The following AFF2 variants were observed in gnomAD, a reference collection of about 807,000 sequenced individuals.
The protein encoded by AFF2 is ALF transcription elongation factor 2.
In AFF2, 14 loss-of-function variants were observed where a neutral mutation model predicts 76.9. The observed-to-expected ratio is 0.18, with a 90% CI of 0.12 to 0.28. AFF2 has a LOEUF of 0.28. Among genes scored for constraint, AFF2 ranks in the 10% least tolerant of loss-of-function variants. AFF2 has a pLI of 1.00. For missense variants in AFF2, 868 were observed against 1,001.1 expected, an observed-to-expected ratio of 0.87 and a Z score of 1.79; for synonymous variants, 398 against 366.7, an observed-to-expected ratio of 1.09 and a Z score of -0.98.
At chrX:148,942,812 T>A (rs2071854783) in intron 9 of AFF2, among the ~76,000 whole-genome samples, 1 of 32,612 alleles carries the variant, frequency 3.1e-5, no homozygotes, top group African/African-American at 5.6e-5. Context: ...TGAGACTCCA[T>A]CTCAGAAAAA....
chrX:148,503,420 ACTCCCCACGC>A (rs782766616), intron 1 of AFF2, among the ~76,000 whole-genome samples: 1 of 110,692 alleles, frequency 9.0e-6, no homozygotes, highest in African/African-American at 3.3e-5. Context: ...GATGGCCTCC[ACTCCCCACGC>A]CCCCAAGCCC....
At chrX:148,548,768 T>A (rs782217801) in intron 1 of AFF2, among the ~76,000 whole-genome samples, 1 of 112,298 alleles carries the variant, frequency 8.9e-6, no homozygotes, top group East Asian at 2.8e-4. Flanking sequence ...TCTGTTTTCG[T>A]CTTCCAGTGT....
At chrX:148,542,475 G>T (rs1347365693) in intron 1 of AFF2, among the ~76,000 whole-genome samples, 1 of 110,204 alleles carries the variant, frequency 9.1e-6, no homozygotes, top group Non-Finnish European at 1.9e-5. Flanking sequence ...GTGTAGATAT[G>T]TTGCACATAT....
At chrX:148,864,773 A>G (rs2070887288) in intron 7 of AFF2, among the ~76,000 whole-genome samples, 1 of 112,272 alleles carries the variant, frequency 8.9e-6, no homozygotes, top group Non-Finnish European at 1.9e-5. Flanking sequence ...AACAAAATAA[A>G]AACAAGAACA....
At chrX:148,728,454 T>C (rs1289377579) in intron 3 of AFF2, among the ~76,000 whole-genome samples, 2 of 112,356 alleles carry the variant, frequency 1.8e-5, no homozygotes, top group Admixed American at 9.4e-5. Context: ...CACAAATTAG[T>C]GTGTTTGTCT....
intron 4 of AFF2, among the ~76,000 whole-genome samples, chrX:148,820,392 C>A (rs1249089266): frequency 9.0e-6 from 1 of 111,527 alleles, no homozygotes; most frequent in Non-Finnish European, 1.9e-5. Flanking sequence ...CAAAATTATT[C>A]ATTACACAAT....
chrX:148,727,336 T>C (rs2055170401), intron 3 of AFF2, among the ~76,000 whole-genome samples: 1 of 111,918 alleles, frequency 8.9e-6, no homozygotes, highest in South Asian at 3.7e-4. Context: ...AAAATGACCC[T>C]CAGCATCTGG....
At chrX:148,768,791 G>A (rs1217011308) in intron 3 of AFF2, among the ~76,000 whole-genome samples, 2 of 111,855 alleles carry the variant, frequency 1.8e-5, no homozygotes, top group Non-Finnish European at 3.8e-5. Context: ...TTTGTTCATT[G>A]TTTTTCTCAT....
intron 3 of AFF2, 152 bp downstream of exon 3, chrX:148,662,920 C>T (rs977260348): frequency 3.9e-5 from 22 of 565,791 alleles, no homozygotes; most frequent in Non-Finnish European, 5.7e-5. Flanking sequence ...GATCTTCTGT[C>T]ACTTGTGACA....
chrX:148,974,841 A>C (rs1026577748), intron 16 of AFF2, among the ~76,000 whole-genome samples: 32 of 111,772 alleles, frequency 2.9e-4, no homozygotes, highest in African/African-American at 1.0e-3. Context: ...ACCATTCTGT[A>C]GCTTTCAAGG....
intron 3 of AFF2, among the ~76,000 whole-genome samples, chrX:148,706,843 T>G (rs1008802215): frequency 8.9e-6 from 1 of 112,688 alleles, no homozygotes; most frequent in African/African-American, 3.2e-5. Flanking sequence ...TTGACTGAGT[T>G]GTGCCTAAAC....
intron 3 of AFF2, among the ~76,000 whole-genome samples, chrX:148,752,243 A>G (rs1003756899): frequency 2.7e-5 from 3 of 111,458 alleles, no homozygotes; most frequent in Non-Finnish European, 5.7e-5. Flanking sequence ...CTAATAATCG[A>G]CTCTACCTTT....
At chrX:148,817,675 A>C (rs1272845904) in intron 4 of AFF2, among the ~76,000 whole-genome samples, 1 of 112,150 alleles carries the variant, frequency 8.9e-6, no homozygotes, top group African/African-American at 3.2e-5. Flanking sequence ...ACAAAAAAGA[A>C]AATTGCATAA....
At chrX:148,986,650 C>T (rs1247883957) in intron 19 of AFF2, among the ~76,000 whole-genome samples, 1 of 112,784 alleles carries the variant, frequency 8.9e-6, no homozygotes, top group Non-Finnish European at 1.9e-5. Flanking sequence ...AATACTGCTC[C>T]TTGGGGGGCT....
intron 8 of AFF2, among the ~76,000 whole-genome samples, chrX:148,890,677 A>C (rs1345814149): frequency 8.9e-6 from 1 of 112,090 alleles, no homozygotes; most frequent in Non-Finnish European, 1.9e-5. Flanking sequence ...ATGTGTCTCC[A>C]AAAGAGTTTT....
intron 7 of AFF2, among the ~76,000 whole-genome samples, chrX:148,881,280 C>A (rs782523986): frequency 1.8e-5 from 2 of 111,817 alleles, no homozygotes; most frequent in South Asian, 7.6e-4. Context: ...CAGTCTTACA[C>A]GCAAACTTCA....
intron 3 of AFF2, among the ~76,000 whole-genome samples, chrX:148,673,215 A>G (rs2054444351): frequency 8.9e-6 from 1 of 112,081 alleles, no homozygotes; most frequent in African/African-American, 3.2e-5. Context: ...AAAAATGTGC[A>G]AGACTCTGCA....
intron 1 of AFF2, among the ~76,000 whole-genome samples, chrX:148,508,579 ACATGACAACCTGAC>A (rs1458747354): frequency 8.9e-6 from 1 of 111,924 alleles, no homozygotes; most frequent in Non-Finnish European, 1.9e-5. Flanking sequence ...GGCAATATGT[ACATGACAACCTGAC>A]TATCTGTTGA....
chrX:148,587,942 C>T (rs1557246098), intron 1 of AFF2, among the ~76,000 whole-genome samples: 1 of 112,540 alleles, frequency 8.9e-6, no homozygotes, highest in Non-Finnish European at 1.9e-5. Context: ...TTGCTGATAG[C>T]ATTGATTTTG....
Sources: gnomAD v4.1 joint callset for allele counts (sites outside exome capture counted in the v4.1 genomes callset) on GRCh38, gnomAD v4.1.1 for gene constraint, MANE v1.5 for transcripts, NCBI Gene and HGNC (gene_info 2026-07-23, HGNC 2026-07-21) for gene names.